C15orf39: variants seen among roughly 807,000 people sequenced by gnomAD.
The protein encoded by C15orf39 is uncharacterized protein C15orf39.
A neutral mutation model predicts 53.9 loss-of-function variants in C15orf39; 24 were observed. The observed-to-expected ratio is 0.45, with a 90% confidence interval of 0.32 to 0.63. The LOEUF is 0.63. C15orf39 is among the 20% of genes least tolerant of loss of function. The pLI is 0.04. For synonymous variants in C15orf39, 569 were observed against 576.5 expected, an observed-to-expected ratio of 0.99 and a Z score of 0.19; for missense variants, 1,271 against 1,347.9, an observed-to-expected ratio of 0.94 and a Z score of 0.89.
In C15orf39 at chr15:75,211,583, GAA is replaced by G. The variant is rs1379308067; in HGVS notation, c.*469_*470del. Reference sequence around the variant, plus strand: ...ATTGGAGGCAGAGAACCTTCCTATAGAAAGTCTTCGTGTGTCCTAGGACTTGG... The same window carrying G: ...ATTGGAGGCAGAGAACCTTCCTATAGAGTCTTCGTGTGTCCTAGGACTTGG... On this transcript the variant is annotated 3_prime_UTR_variant, in exon 3 of 3. Coordinates refer to ENST00000394987, the MANE Select transcript of C15orf39 (RefSeq NM_015492.5). 1.3e-5 allele frequency: 2 copies of G among 157,084 alleles called. No homozygotes were observed. The highest frequency in any genetic ancestry group is 1.3e-4 in the Admixed American group (2 of 15,586). The allele number at this position is 157,084 out of a possible 1,614,324, so 9.7% of individuals were successfully genotyped here.
intron 1 of C15orf39, chr15:75,202,395 G>T (rs2070409933): frequency 6.6e-6 from 1 of 152,418 alleles, no homozygotes; most frequent in Non-Finnish European, 1.5e-5. Context: ...ACCCTGTCAC[G>T]TGGATTGCTG....
chr15:75,202,624 G>A (rs1267101416), intron 1 of C15orf39, among the ~76,000 whole-genome samples: 1 of 152,216 alleles, frequency 6.6e-6, no homozygotes, highest in Non-Finnish European at 1.5e-5. Context: ...TCGCCGGGCC[G>A]CCCCTGTTCC....
rs1387551787 is a variant in C15orf39, at chr15:75,208,577, C to T, written c.2529C>T (p.Phe843=). 8.3e-6 allele frequency: 13 copies of T among 1,574,720 alleles called. No homozygotes were observed. The highest frequency in any genetic ancestry group is 2.3e-5 in the East Asian group (1 of 42,826). The change falls in exon 2 of 3, where the codon TTC becomes TTT. Residue 843 remains phenylalanine, a synonymous_variant. Coordinates refer to ENST00000394987, the MANE Select transcript of C15orf39 (RefSeq NM_015492.5). ...ATGTGGTGCGAGCTGGCGCCATCTT[C>T]GTGCCCATTCACCTGGTGAAGGAGC... ...FPHVVRAGAI[F]VPIHLVKERL...
In C15orf39 at chr15:75,205,525, A is replaced by G. The variant is rs77614809; in HGVS notation, c.-50-474A>G. Among the ~76,000 whole-genome samples, 13 of 152,292 alleles carry G rather than the reference A, an allele frequency of 8.5e-5. No individual in the cohort carries two copies. In the East Asian group the frequency reaches 2.5e-3, roughly 29 times the overall value. ...AACAAAGGGTTCTGCAGCTTAAAATATACGAGTTGGGGTCAGGAGCAGTAG... is the reference window on the plus strand; with the variant it reads ...AACAAAGGGTTCTGCAGCTTAAAATGTACGAGTTGGGGTCAGGAGCAGTAG... On this transcript the variant is annotated intron_variant, in intron 1 of 2. Transcript: ENST00000394987.
rs778856040 is a variant in C15orf39 at position 75,207,425 on chromosome 15, G to T, written c.1377G>T (p.Gly459=). The T allele has an allele frequency of 5.6e-6, 9 of 1,613,342 alleles. No individual in the cohort carries two copies. The highest frequency in any genetic ancestry group is 8.5e-7 in the Non-Finnish European group (1 of 1,180,020). The change falls in exon 2 of 3, where the codon GGG becomes GGT. Residue 459 remains glycine (G), a synonymous_variant. Transcript: ENST00000394987. ...KLQPRLSEHS[G]PPIVIRDSPV... ...AGCCCCGGCTCAGTGAGCACTCTGG[G>T]CCGCCCATCGTCATCCGAGACAGTC...
upstream of C15orf39, among the ~76,000 whole-genome samples, chr15:75,200,511 G>A (rs1244235517): frequency 6.6e-6 from 1 of 152,190 alleles, no homozygotes; most frequent in Non-Finnish European, 1.5e-5. Flanking sequence ...GCTGGAGGAG[G>A]AGGGGCGAGC....
rs147136709 is a variant in C15orf39 at position 75,211,056 on chromosome 15, A to C, written c.3084A>C (p.Ser1028=). 6,502 of 1,605,546 alleles carry C rather than the reference A, an allele frequency of 4.0e-3. 20 individuals are homozygous for C. Among genetic ancestry groups the C allele is most frequent in the Non-Finnish European group, 4.8e-3 (5,649 of 1,179,968 alleles). Residue 1028 remains serine, a synonymous_variant, in exon 3 of 3, where the codon TCA becomes TCC. Transcript: ENST00000394987. ...TGCCCACCTGGGGCCACAAGTCCTC[A>C]AGACCAGACCAGCCCTCACCCTGCC... The part of the protein sequence containing the change: ...LALPTWGHKS[S]RPDQPSPCPQ...
At chr15:75,208,974 C>A in intron 2 of C15orf39, 150 bp downstream of exon 2, 1 of 1,311,472 alleles carries the variant, frequency 7.6e-7, no homozygotes, top group Admixed American at 3.0e-5. Flanking sequence ...GGTACCCCCA[C>A]CCCTTGACCC....
chr15:75,203,704 G>C (rs1311409737), intron 1 of C15orf39, among the ~76,000 whole-genome samples: 1 of 152,150 alleles, frequency 6.6e-6, no homozygotes, highest in Non-Finnish European at 1.5e-5. Context: ...GGGACTCCTG[G>C]GGTGGGGGTG....
rs1204433707 is a variant in C15orf39, at chr15:75,207,632, C to T, written c.1584C>T (p.Asp528=). The change falls in exon 2 of 3, where the codon GAC becomes GAT. Residue 528 remains aspartate (D), a synonymous_variant. Transcript: ENST00000394987. ...VPAPEATTEP[D]SATAEPDSAP... ...CACCCGAGGCCACAACTGAGCCTGA[C>T]TCTGCCACAGCTGAGCCTGACTCAG... is the stretch of plus-strand genomic sequence containing the variant. 2 of 1,612,188 alleles carry T rather than the reference C, an allele frequency of 1.2e-6. No individual in the cohort carries two copies. Among genetic ancestry groups the T allele is most frequent in the African/African-American group, 2.7e-5 (2 of 74,340 alleles).
At chr15:75,203,147 G>A (rs2070416481) in intron 1 of C15orf39, among the ~76,000 whole-genome samples, 2 of 152,256 alleles carry the variant, frequency 1.3e-5, no homozygotes, top group South Asian at 4.1e-4. Context: ...CAATTGGGCA[G>A]GAATCGCGCT....
In C15orf39 at chr15:75,207,906, AAGAT is replaced by A. The variant is rs2070452898; in HGVS notation, c.1862_1865del (p.Ile621ThrfsTer12). The A allele has an allele frequency of 1.9e-6, 3 of 1,613,684 alleles. No individual in the cohort carries two copies. The highest frequency in any genetic ancestry group is 2.5e-6 in the Non-Finnish European group (3 of 1,180,014). ...GGTGTCAGATCTGCCAGGCCTGAAAAAGATAGACACAGAAGCACCAGGCTTGCCT... is the reference window on the plus strand; with the variant it reads ...GGTGTCAGATCTGCCAGGCCTGAAAAAGACACAGAAGCACCAGGCTTGCCT... On this transcript the variant is annotated frameshift_variant, in exon 2 of 3. Transcript: ENST00000394987. LOFTEE classifies it high-confidence loss of function.
rs374040917 is a variant in C15orf39 at position 75,206,034 on chromosome 15, G to A, written c.-15G>A. 1.3e-5 allele frequency: 20 copies of A among 1,572,902 alleles called. No homozygotes were observed. The African/African-American group carries it at 1.4e-4, about 11-fold the overall frequency. Reference sequence around the variant, plus strand: ...GAGTAGCAGGGGCCTAGGAGGGCTCGAAGCCTTCACAGCGATGGCAGAGAA... The same window carrying A: ...GAGTAGCAGGGGCCTAGGAGGGCTCAAAGCCTTCACAGCGATGGCAGAGAA... On this transcript the variant is annotated 5_prime_UTR_variant, in exon 2 of 3. Transcript: ENST00000394987.
rs149831069 is a variant in C15orf39, at chr15:75,208,034, G to A, written c.1986G>A (p.Leu662=). Residue 662 remains leucine (L), a synonymous_variant, in exon 2 of 3, where the codon TTG becomes TTA. Transcript: ENST00000394987. Reference sequence around the variant, plus strand: ...TCAAGATCCTCCGTCCGGCACCTTTGCCTGCAGCCGTGGTCCCGTCCACGC... The same window carrying A: ...TCAAGATCCTCCGTCCGGCACCTTTACCTGCAGCCGTGGTCCCGTCCACGC... ...RKFKILRPAP[L]PAAVVPSTPT... is the part of the protein sequence containing the mutation. The A allele has an allele frequency of 1.1e-4, 177 of 1,614,024 alleles. No individual in the cohort carries two copies. Among genetic ancestry groups the A allele is most frequent in the African/African-American group, 1.2e-4 (9 of 75,026 alleles).
Position 75,210,816 on chromosome 15 carries a change from G to C in C15orf39, c.2844G>C (p.Glu948Asp). ...CCACTGTGGCCAGAGGTGAGCCAGA[G>C]AGCCTAGCCCTGGCTCAGAAGTCAC... ...SEPTVARGEP[E>D]SLALAQKSPA... The change falls in exon 3 of 3, where the codon GAG becomes GAC. Residue 948 changes from glutamate to aspartate, a missense_variant. This residue lies in a region of C15orf39 where 277 missense variants were observed against 354.1 expected (regional missense o/e 0.78). Transcript: ENST00000394987. The C allele has an allele frequency of 6.2e-7, 1 of 1,613,906 alleles. No individual in the cohort carries two copies. The highest frequency in any genetic ancestry group is 8.5e-7 in the Non-Finnish European group (1 of 1,179,994).
rs146748144 is a variant in C15orf39, at chr15:75,206,301, G to A, written c.253G>A (p.Asp85Asn). The change falls in exon 2 of 3, where the codon GAC (aspartate) becomes AAC (asparagine). Residue 85 changes from aspartate (D) to asparagine (N), a missense_variant. Around this residue, in one of 2 missense-constraint regions of C15orf39, gnomAD observed 994 missense variants for 993.7 expected, o/e 1.00. Coordinates refer to ENST00000394987, the MANE Select transcript of C15orf39 (RefSeq NM_015492.5). ...TGMAGPPLQA[D>N]NLLTNCLFYR... ...TATGGCAGGACCCCCACTTCAGGCA[G>A]ACAACCTGCTGACCAACTGCCTGTT... The A allele has an allele frequency of 3.2e-4, 516 of 1,613,926 alleles. No homozygotes were observed. Among genetic ancestry groups the A allele is most frequent in the Non-Finnish European group, 4.2e-4 (499 of 1,179,994 alleles).
In C15orf39 at chr15:75,208,051, C is replaced by G. The variant is rs201514875; in HGVS notation, c.2003C>G (p.Pro668Arg). ...RPAPLPAAVVPSTPTSAPAPT... is the reference protein window; with the variant it reads ...RPAPLPAAVVRSTPTSAPAPT... ...GCACCTTTGCCTGCAGCCGTGGTCC[C>G]GTCCACGCCCACCTCAGCTCCTGCT... The change falls in exon 2 of 3, where the codon CCG (proline) becomes CGG (arginine). Residue 668 changes from proline to arginine, a missense_variant. By Grantham distance (103) the Pro-to-Arg change is moderately radical (BLOSUM62 -2). Around this residue, in one of 2 missense-constraint regions of C15orf39, gnomAD observed 994 missense variants for 993.7 expected, o/e 1.00. Transcript: ENST00000394987. 2 of 1,614,086 alleles carry G rather than the reference C, an allele frequency of 1.2e-6. No homozygotes were observed. Among genetic ancestry groups the G allele is most frequent in the Admixed American group, 1.7e-5 (1 of 60,032 alleles).
upstream of C15orf39, among the ~76,000 whole-genome samples, chr15:75,201,714 G>A (rs1184705374): frequency 6.6e-6 from 1 of 152,162 alleles, no homozygotes; most frequent in Non-Finnish European, 1.5e-5. This position sits in a 1 kb window ranked among gnomAD's most constrained non-coding sequence, Gnocchi z 4.7. Context: ...GCGGTTACGG[G>A]CGGTGCACAG....
chr15:75,208,397 C>T lies in C15orf39; in HGVS notation c.2349C>T (p.Ala783=), dbSNP rs747369568. 3.1e-6 allele frequency: 5 copies of T among 1,605,010 alleles called. No individual in the cohort carries two copies. The highest frequency in any genetic ancestry group is 1.7e-5 in the Admixed American group (1 of 59,058). ...SLCDAISGSV[A]HSPPEKLREW... is the part of the protein sequence containing the mutation. ...GTGATGCTATTTCTGGCTCCGTCGC[C>T]CACTCTCCTCCAGAGAAGCTTCGCG... Residue 783 remains alanine, a synonymous_variant, in exon 2 of 3, where the codon GCC becomes GCT. Transcript: ENST00000394987.
Sources: allele counts gnomAD v4.1 joint callset (sites outside exome capture counted in the v4.1 genomes callset), GRCh38; gene constraint gnomAD v4.1.1; regional missense constraint gnomAD v4.1.1; non-coding constraint Gnocchi (gnomAD v3.1); transcripts MANE v1.5; gene names NCBI Gene and HGNC (gene_info 2026-07-23, HGNC 2026-07-21).